Variants in TSNARE1 observed in about 807,000 individuals in gnomAD.
The protein encoded by TSNARE1 is t-SNARE domain-containing protein 1.
TSNARE1 carries 49 observed loss-of-function variants against 62.0 expected under a neutral mutation model. The ratio of observed to expected loss-of-function variants is 0.79; its 90% CI spans 0.63 to 1.00. The LOEUF (loss-of-function observed/expected upper bound fraction) is 1.00. Among genes scored for constraint, TSNARE1 ranks in the 50% least tolerant of loss-of-function variants. The pLI is 0.00. For synonymous variants in TSNARE1, 328 were observed against 294.4 expected (o/e 1.11, Z -1.17); for missense variants, 755 against 700.1 (o/e 1.08, Z -0.88).
intron 12 of TSNARE1, among the ~76,000 whole-genome samples, chr8:142,242,545 C>T (rs888660182): frequency 6.6e-6 from 1 of 152,330 alleles, no homozygotes; most frequent in South Asian, 2.1e-4. Flanking sequence ...TAAAATCTAT[C>T]AGGAACCCAA....
chr8:142,222,699 TCCACTCAC>T (rs1404252319), intron 13 of TSNARE1, among the ~76,000 whole-genome samples: 1 of 10,810 alleles, frequency 9.3e-5, no homozygotes, highest in Non-Finnish European at 2.3e-4. Context: ...CACTCACTCA[TCCACTCAC>T]TCACTCATCC....
chr8:142,274,222 C>T (rs1218881793), intron 12 of TSNARE1: 12 of 985,336 alleles, frequency 1.2e-5, no homozygotes, highest in African/African-American at 7.0e-5. Flanking sequence ...GCTGGGCCTC[C>T]ATCTCAGCTG....
At chr8:142,229,697 C>T in intron 12 of TSNARE1, 118 bp from the exon 13 acceptor site, 2 of 804,976 alleles carry the variant, frequency 2.5e-6, no homozygotes, top group Non-Finnish European at 4.1e-6. Context: ...CACCCTGGGG[C>T]AGGGTCCAGA....
chr8:142,216,726 C>T (rs1737693319), intron 13 of TSNARE1, among the ~76,000 whole-genome samples: 1 of 152,204 alleles, frequency 6.6e-6, no homozygotes, highest in African/African-American at 2.4e-5. Context: ...AAGTCCTTGG[C>T]AAGGATCAAC....
chr8:142,277,494 G>A (rs1586963574), intron 11 of TSNARE1: 1 of 985,494 alleles, frequency 1.0e-6, no homozygotes, highest in Non-Finnish European at 1.2e-6. Context: ...CTGCAGAGCG[G>A]AAAGCATGGC....
rs1226469941 is a variant in TSNARE1, at chr8:142,319,163, A to T, written c.894-529T>A. On this transcript the variant is annotated intron_variant, in intron 6 of 13. Coordinates refer to ENST00000524325, the MANE Select transcript of TSNARE1 (RefSeq NM_145003.5). The surrounding 1 kb of genome is among the most constrained non-coding windows in gnomAD (Gnocchi z 4.9). ...GCGAGGACCACCTTGCTCCGCCGCA[A>T]CCACCCCCAAATACCCCACAGACAG... Among the ~76,000 whole-genome samples, 2 of 151,656 alleles carry T rather than the reference A, an allele frequency of 1.3e-5. No homozygotes were observed. Among genetic ancestry groups the T allele is most frequent in the African/African-American group, 4.8e-5 (2 of 41,240 alleles).
intron 11 of TSNARE1, chr8:142,276,101 C>A: frequency 1.0e-6 from 1 of 985,388 alleles, no homozygotes; most frequent in Non-Finnish European, 1.2e-6. Context: ...GAGCCGCAGG[C>A]ACTCGCAGAC....
rs186580017 is a variant in TSNARE1 at position 142,272,030 on chromosome 8, G to A, written c.1446+2751C>T. Among the ~76,000 whole-genome samples the A allele has an allele frequency of 1.1e-4, 16 of 151,780 alleles. No homozygotes were observed. The East Asian group carries it at 2.9e-3, about 28-fold the overall frequency. ...CGTCCGCCTGCCCTCTGGTCTACCC[G>A]CCATCCTGCTACCCAAGTGTCTATT... On this transcript the variant is annotated intron_variant, in intron 12 of 13. Coordinates refer to ENST00000524325, the MANE Select transcript of TSNARE1 (RefSeq NM_145003.5).
At chr8:142,357,155 G>A (rs949829017) in intron 1 of TSNARE1, among the ~76,000 whole-genome samples, 6 of 152,226 alleles carry the variant, frequency 3.9e-5, no homozygotes, top group Admixed American at 3.9e-4. Context: ...GGAGGGCCAG[G>A]GGAAGAGAAT....
chr8:142,220,753 C>T (rs1479207226), intron 13 of TSNARE1, among the ~76,000 whole-genome samples: 4 of 152,218 alleles, frequency 2.6e-5, no homozygotes, highest in Admixed American at 6.5e-5. Flanking sequence ...GCGCCCCAGC[C>T]GGCAGGCAGT....
intron 12 of TSNARE1, among the ~76,000 whole-genome samples, chr8:142,252,131 C>T (rs992591245): frequency 2.6e-5 from 4 of 152,344 alleles, no homozygotes; most frequent in African/African-American, 9.6e-5. Flanking sequence ...ACCCGCCGCC[C>T]GCGTTCTCTG....
chr8:142,278,582 G>A (rs931437860), intron 11 of TSNARE1: 2 of 985,340 alleles, frequency 2.0e-6, no homozygotes, highest in African/African-American at 1.7e-5. Flanking sequence ...GGTGGGAGGA[G>A]GCACGGAGGC....
chr8:142,387,769 C>G (rs1057479207), intron 1 of TSNARE1, among the ~76,000 whole-genome samples: 1 of 151,958 alleles, frequency 6.6e-6, no homozygotes, highest in South Asian at 2.1e-4. Flanking sequence ...ATCCTCAAAA[C>G]GAAAACAAAA....
intron 12 of TSNARE1, chr8:142,274,310 G>A: frequency 1.0e-6 from 1 of 985,306 alleles, no homozygotes; most frequent in East Asian, 1.1e-4. Flanking sequence ...CCAGTGAGTG[G>A]CTAGTCCTCA....
chr8:142,337,749 C>T (rs1831960835), intron 4 of TSNARE1, among the ~76,000 whole-genome samples: 2 of 152,254 alleles, frequency 1.3e-5, no homozygotes, highest in Non-Finnish European at 2.9e-5. Context: ...CTGCCGCTTC[C>T]AGCCCCGACT....
At chr8:142,338,867 G>A (rs1446030267) in intron 4 of TSNARE1, among the ~76,000 whole-genome samples, 1 of 152,192 alleles carries the variant, frequency 6.6e-6, no homozygotes, top group African/African-American at 2.4e-5. Flanking sequence ...CCAGGGAAGG[G>A]AAGAATAGCC....
At chr8:142,314,582 C>A in intron 8 of TSNARE1, 142 bp from the exon 9 acceptor site, 1 of 710,284 alleles carries the variant, frequency 1.4e-6, no homozygotes, top group Non-Finnish European at 2.4e-6. Flanking sequence ...CTGCCGGGGC[C>A]GGGGCTGAGC....
chr8:142,274,676 G>C (rs1820142959), intron 12 of TSNARE1, 105 bp downstream of exon 12: 1 of 1,373,080 alleles, frequency 7.3e-7, no homozygotes, highest in East Asian at 3.0e-5. Context: ...GCCCCTCCCA[G>C]GCACAGGGCA....
chr8:142,242,780 G>C (rs997030620), intron 12 of TSNARE1, among the ~76,000 whole-genome samples: 1 of 152,004 alleles, frequency 6.6e-6, no homozygotes, highest in Non-Finnish European at 1.5e-5. Flanking sequence ...TGGCCAACAT[G>C]GTGAAACCCT....
Sources: allele counts gnomAD v4.1 joint callset (sites outside exome capture counted in the v4.1 genomes callset), GRCh38; gene constraint gnomAD v4.1.1; non-coding constraint Gnocchi (gnomAD v3.1); transcripts MANE v1.5; gene names NCBI Gene and HGNC (gene_info 2026-07-23, HGNC 2026-07-21).